The following RNF213 variants were observed in gnomAD, a reference collection of about 807,000 sequenced individuals.
RNF213 encodes the protein E3 ubiquitin-protein ligase RNF213.
In RNF213, 341 loss-of-function variants were observed where a neutral mutation model predicts 514.4. The ratio of observed to expected loss-of-function variants is 0.66; its 90% CI spans 0.61 to 0.73. The LOEUF (loss-of-function observed/expected upper bound fraction) is 0.73. Among genes scored for constraint, RNF213 ranks in the 30% least tolerant of loss-of-function variants. The pLI is 0.00. For missense variants in RNF213, 5,767 were observed against 6,615.6 expected (o/e 0.87, Z 4.45); for synonymous variants, 2,655 against 2,658.2 (o/e 1.00, Z 0.04).
At chr17:80,319,609 G>A in intron 17 of RNF213, 1 of 1,545,280 alleles carries the variant, frequency 6.5e-7, no homozygotes, top group Non-Finnish European at 8.7e-7. Flanking sequence ...TTCCTCAGAT[G>A]GCCCTGTCAT....
At chr17:80,298,233 GT>G (rs1756401626) in intron 10 of RNF213, 87 bp from the exon 11 acceptor site, 2 of 1,366,160 alleles carry the variant, frequency 1.5e-6, no homozygotes, top group Non-Finnish European at 2.1e-6. Context: ...TGTGTGCACG[GT>G]GCTTGCTTCC....
chr17:80,355,666 G>A lies in RNF213; in HGVS notation c.10862+1090G>A, dbSNP rs190340228. The stretch of plus-strand genomic sequence containing the variant: ...AGAAGCGGGGTGGACGGGAATGGGG[G>A]CTTACAGGGGGAAGAAGCGGGGTGA... On this transcript the variant is annotated intron_variant, in intron 36 of 67. Coordinates refer to ENST00000582970, the MANE Select transcript of RNF213 (RefSeq NM_001256071.3). 6.6e-5 allele frequency among the ~76,000 whole-genome samples: 3 copies of A among 45,466 alleles called. 1 individual carries two copies. Among genetic ancestry groups the A allele is most frequent in the East Asian group, 1.1e-3 (2 of 1,846 alleles). The allele number at this position is 45,466 out of a possible 152,430, so 29.8% of individuals were successfully genotyped here. A position where few individuals can be genotyped will look rare whatever the true frequency, so the allele number is the denominator to read the frequency against.
intron 3 of RNF213, chr17:80,278,917 C>G: frequency 1.3e-6 from 2 of 1,537,042 alleles, no homozygotes; most frequent in Non-Finnish European, 8.7e-7. Context: ...GCAGGTAGTC[C>G]GAGTCAATAG....
At chr17:80,318,869 G>A (rs543257830) in intron 16 of RNF213, among the ~76,000 whole-genome samples, 7 of 152,274 alleles carry the variant, frequency 4.6e-5, no homozygotes, top group South Asian at 2.1e-4. Context: ...CACCGCGCCC[G>A]GCCTATATGT....
Position 80,306,218 on chromosome 17 carries a change from G to A in RNF213, c.2211-34G>A, listed in dbSNP as rs374717242. On this transcript the variant is annotated intron_variant, in intron 11 of 67. Coordinates refer to ENST00000582970, the MANE Select transcript of RNF213 (RefSeq NM_001256071.3). ...CATTTTCCCTCACTGATCTCACTGC[G>A]TCTCTTTTCTCCGTCCCTATTTCTC... The A allele has an allele frequency of 9.1e-5, 145 of 1,596,334 alleles. No individual in the cohort carries two copies. The African/African-American group carries it at 9.5e-4, about 10-fold the overall frequency.
At chr17:80,281,741 A>G (rs1175308166) in intron 3 of RNF213, among the ~76,000 whole-genome samples, 2 of 151,996 alleles carry the variant, frequency 1.3e-5, no homozygotes, top group Non-Finnish European at 2.9e-5. Flanking sequence ...TGTTGCCCAC[A>G]GGGGGTCGGT....
intron 11 of RNF213, among the ~76,000 whole-genome samples, chr17:80,304,342 TAATA>T (rs1442442059): frequency 1.3e-5 from 2 of 152,142 alleles, no homozygotes; most frequent in African/African-American, 4.8e-5. Flanking sequence ...CACTCGTTAA[TAATA>T]ATTAAGAGGC....
intron 3 of RNF213, among the ~76,000 whole-genome samples, chr17:80,274,782 GT>G (rs2043968811): frequency 6.0e-5 from 1 of 16,758 alleles, no homozygotes; most frequent in East Asian, 3.5e-3. Context: ...TGGGGTGTCT[GT>G]GGGGGATGAG....
chr17:80,350,169 T>G, intron 30 of RNF213, 132 bp from the exon 31 acceptor site: 1 of 772,094 alleles, frequency 1.3e-6, no homozygotes, highest in East Asian at 2.7e-5. Flanking sequence ...GGACTATCTG[T>G]TCTTACTGAA....
Position 80,291,819 on chromosome 17 carries a change from G to T in RNF213, c.1463G>T (p.Gly488Val). 6.2e-7 allele frequency: 1 copy of T among 1,614,178 alleles called. No individual in the cohort carries two copies. Among genetic ancestry groups the T allele is most frequent in the African/African-American group, 1.3e-5 (1 of 75,046 alleles). ...CTGTTCATAAAATCTTCACTTCTGG[G>T]CTCAGGAGGTAAGTCGTGGCAGCAG... is the stretch of plus-strand genomic sequence containing the variant. The part of the protein sequence containing the change: ...RCLFIKSSLL[G>V]SGDWHQYYDI... The change falls in exon 8 of 68, where the codon GGC becomes GTC. Residue 488 changes from glycine to valine, a missense_variant. Gly to Val is a moderately radical substitution (Grantham distance 109, BLOSUM62 -3). Coordinates refer to ENST00000582970, the MANE Select transcript of RNF213 (RefSeq NM_001256071.3).
rs1005147727 is a variant in RNF213 at position 80,396,066 on chromosome 17, C to T, written c.*2568C>T. 3 of 152,172 alleles carry T rather than the reference C, an allele frequency of 2.0e-5. No individual in the cohort carries two copies. Among genetic ancestry groups the T allele is most frequent in the African/African-American group, 7.2e-5 (3 of 41,404 alleles). 9.4% of individuals were successfully genotyped at this position (152,172 alleles called of 1,614,324 possible). A position where few individuals can be genotyped will look rare whatever the true frequency, so the allele number is the denominator to read the frequency against. On this transcript the variant is annotated 3_prime_UTR_variant, in exon 68 of 68. Coordinates refer to ENST00000582970, the MANE Select transcript of RNF213 (RefSeq NM_001256071.3). ...CAGCCCTACCTTGGTGGTGATTTAC[C>T]TGAAAATCTTCACAACTGATCATTA...
Position 80,381,737 on chromosome 17 carries a change from G to A in RNF213, c.13978+10G>A. The A allele has an allele frequency of 2.5e-6, 4 of 1,611,632 alleles. No homozygotes were observed. Among genetic ancestry groups the A allele is most frequent in the Non-Finnish European group, 3.4e-6 (4 of 1,179,462 alleles). On this transcript the variant is annotated intron_variant, in intron 57 of 67. Transcript: ENST00000582970. ...CAGCTCTCTAGCAGAAGTGAGGAAAGGGGCAAGGGCTGGGCGGGGATCACA... is the reference window on the plus strand; with the variant it reads ...CAGCTCTCTAGCAGAAGTGAGGAAAAGGGCAAGGGCTGGGCGGGGATCACA...
intron 1 of RNF213, among the ~76,000 whole-genome samples, chr17:80,261,492 G>A (rs2145052333): frequency 6.6e-6 from 1 of 152,306 alleles, no homozygotes; most frequent in South Asian, 2.1e-4. Context: ...CCGGGCCCTG[G>A]GGGAGTCCAG....
chr17:80,279,024 CTGCCCAGGA>C, intron 3 of RNF213: 1 of 1,427,868 alleles, frequency 7.0e-7, no homozygotes, highest in African/African-American at 1.4e-5. Flanking sequence ...TCGAGGAAGG[CTGCCCAGGA>C]TGGGCGTTTT....
intron 46 of RNF213, among the ~76,000 whole-genome samples, chr17:80,370,259 T>C (rs1033102923): frequency 1.3e-5 from 2 of 152,222 alleles, no homozygotes; most frequent in African/African-American, 4.8e-5. Context: ...CCTAAGTTTC[T>C]ATTCCCCTGA....
chr17:80,331,172 C>T (rs1204924187), intron 20 of RNF213, among the ~76,000 whole-genome samples: 1 of 152,124 alleles, frequency 6.6e-6, no homozygotes, highest in Non-Finnish European at 1.5e-5. Flanking sequence ...TCATCACCAC[C>T]TCCCAGTCTG....
intron 24 of RNF213, 31 bp downstream of exon 24, chr17:80,337,757 C>T (rs373459379): frequency 6.6e-5 from 102 of 1,537,052 alleles, no homozygotes; most frequent in Admixed American, 1.2e-4. Context: ...GGCGCAGCTG[C>T]GGCCCTTCTG....
At position 80,354,575 on chromosome 17, in the gene RNF213, AGGT is replaced by A. The variant is rs752887733; in HGVS notation, c.10862_10862+2del. 6.2e-6 allele frequency: 10 copies of A among 1,614,204 alleles called. No individual in the cohort carries two copies. The highest frequency in any genetic ancestry group is 1.7e-5 in the Admixed American group (1 of 60,024). ...CGCTCTCCAGGAGGCGGGCACATTC[AGGT>A]ACTGTGACTAAAGGAAGCAAGGAGT... On this transcript the variant is annotated splice_donor_variant and coding_sequence_variant, in exon 36 of 68. Transcript: ENST00000582970. LOFTEE classifies it high-confidence loss of function.
chr17:80,282,281 C>G (rs2044330032), intron 3 of RNF213, among the ~76,000 whole-genome samples: 1 of 152,132 alleles, frequency 6.6e-6, no homozygotes, highest in Admixed American at 6.6e-5. Context: ...TTATTGTTGT[C>G]TCGTTATTTT....
Sources: allele counts gnomAD v4.1 joint callset (sites outside exome capture counted in the v4.1 genomes callset), GRCh38; gene constraint gnomAD v4.1.1; transcripts MANE v1.5; gene names NCBI Gene and HGNC (gene_info 2026-07-23, HGNC 2026-07-21).